SGCZ: variants seen among roughly 807,000 people sequenced by gnomAD.
The protein encoded by SGCZ is sarcoglycan zeta.
Under a neutral mutation model 41.3 loss-of-function variants are expected in SGCZ, and 40 were observed. The ratio of observed to expected loss-of-function variants is 0.97; its 90% CI spans 0.75 to 1.26. The LOEUF is 1.26. Ranked by LOEUF, SGCZ falls within the 50% of genes most tolerant of loss-of-function variation. The probability of loss-of-function intolerance (pLI) is 0.00; values close to 1 mark genes in which losing one functional copy is unlikely to be tolerated. For missense variants in SGCZ, 552 were observed against 369.8 expected, an observed-to-expected ratio of 1.49 and a Z score of -4.04; for synonymous variants, 206 against 137.5, an observed-to-expected ratio of 1.50 and a Z score of -3.49.
intron 1 of SGCZ, among the ~76,000 whole-genome samples, chr8:14,735,908 T>A (rs1442680344): frequency 6.6e-6 from 1 of 152,064 alleles, no homozygotes; most frequent in Non-Finnish European, 1.5e-5. Context: ...AGTAAAGCCA[T>A]TCCTGACTGA....
intron 1 of SGCZ, among the ~76,000 whole-genome samples, chr8:15,045,230 A>T (rs1379082111): frequency 6.6e-6 from 1 of 152,082 alleles, no homozygotes; most frequent in Non-Finnish European, 1.5e-5. Flanking sequence ...AGATGGACAA[A>T]CAAGAGACAT....
At chr8:14,231,215 GA>G (rs1367462430) in intron 4 of SGCZ, among the ~76,000 whole-genome samples, 3 of 143,242 alleles carry the variant, frequency 2.1e-5, no homozygotes, top group Non-Finnish European at 4.6e-5. Context: ...GAGAGAGGGG[GA>G]AAGAGAGAGA....
Position 14,090,420 on chromosome 8 carries a change from G to A in SGCZ, c.*23C>T, listed in dbSNP as rs759453422. On this transcript the variant is annotated 3_prime_UTR_variant, in exon 8 of 8. Transcript: ENST00000382080. ...ACGGACAGGAACAAAAGGCTATTCT[G>A]GTGTGAGGAGAAATCAGTCACTTCA... 17 of 1,605,190 alleles carry A rather than the reference G, an allele frequency of 1.1e-5. No individual in the cohort carries two copies. Among genetic ancestry groups the A allele is most frequent in the Non-Finnish European group, 1.1e-5 (13 of 1,175,362 alleles).
chr8:14,950,142 T>C (rs1402462263), intron 1 of SGCZ, among the ~76,000 whole-genome samples: 4 of 152,080 alleles, frequency 2.6e-5, no homozygotes, highest in Non-Finnish European at 5.9e-5. Context: ...TGTATTTTCT[T>C]TTGCAATATG....
chr8:14,611,916 T>A lies in SGCZ; in HGVS notation c.40-56990A>T, dbSNP rs116245346. ...TGCAGTACATATGCTATTTGCACTG[T>A]GTAAAATACAGGTAAATATGATATG... On this transcript the variant is annotated intron_variant, in intron 1 of 7. Transcript: ENST00000382080. Among the ~76,000 whole-genome samples the A allele has an allele frequency of 5.2e-3, 793 of 152,316 alleles. 6 individuals carry two copies. Among genetic ancestry groups the A allele is most frequent in the African/African-American group, 0.018 (745 of 41,574 alleles).
chr8:14,974,448 G>A (rs983126245), intron 1 of SGCZ, among the ~76,000 whole-genome samples: 1 of 152,128 alleles, frequency 6.6e-6, no homozygotes, highest in Non-Finnish European at 1.5e-5. Context: ...GATACACCTG[G>A]AAAGAGAAAT....
chr8:15,149,993 G>T lies in SGCZ; in HGVS notation c.39+87592C>A, dbSNP rs148954913. Among the ~76,000 whole-genome samples the T allele has an allele frequency of 3.8e-3, 586 of 152,236 alleles. 3 individuals carry two copies. Among genetic ancestry groups the T allele is most frequent in the African/African-American group, 0.014 (569 of 41,544 alleles). ...GTATTTGTCTATATTTAGTTAGATG[G>T]AAAAAAATCTGCAGTGTGTCTGCAA... On this transcript the variant is annotated intron_variant, in intron 1 of 7. Transcript: ENST00000382080.
At chr8:14,862,484 T>A (rs940552907) in intron 1 of SGCZ, among the ~76,000 whole-genome samples, 1 of 139,174 alleles carries the variant, frequency 7.2e-6, no homozygotes, top group South Asian at 2.3e-4. Context: ...TAACAAGAAA[T>A]GAGACCAAAT....
intron 2 of SGCZ, among the ~76,000 whole-genome samples, chr8:14,515,296 T>C (rs1229232835): frequency 6.6e-6 from 1 of 152,088 alleles, no homozygotes; most frequent in East Asian, 1.9e-4. Context: ...TATTTTTGCC[T>C]CAGAGGTTTT....
rs561748012 is a variant in SGCZ, at chr8:14,256,482, T to C, written c.337-18803A>G. Among the ~76,000 whole-genome samples, 66 of 151,908 alleles carry C rather than the reference T, an allele frequency of 4.3e-4. 2 individuals carry two copies. The highest frequency in any genetic ancestry group is 1.4e-3 in the African/African-American group (56 of 41,446). On this transcript the variant is annotated intron_variant, in intron 3 of 7. Coordinates refer to ENST00000382080, the MANE Select transcript of SGCZ (RefSeq NM_139167.4). Reference sequence around the variant, plus strand: ...AGCTCCTTCAGAATAACTTGCTTCATGCTTAATATTAAATCCCTCATATAC... The same window carrying C: ...AGCTCCTTCAGAATAACTTGCTTCACGCTTAATATTAAATCCCTCATATAC...
At chr8:14,425,985 C>T (rs756157489) in intron 2 of SGCZ, among the ~76,000 whole-genome samples, 64 of 151,842 alleles carry the variant, frequency 4.2e-4, no homozygotes, top group Admixed American at 7.9e-4. Context: ...CACTTATGTA[C>T]CTAAATATTA....
intron 1 of SGCZ, among the ~76,000 whole-genome samples, chr8:15,188,784 T>A (rs1031465752): frequency 6.6e-6 from 1 of 152,086 alleles, no homozygotes; most frequent in African/African-American, 2.4e-5. Flanking sequence ...AGACATCCAT[T>A]GTCATATTGT....
intron 1 of SGCZ, among the ~76,000 whole-genome samples, chr8:14,747,705 T>TTGTG (rs59524830): frequency 0.24 from 33,028 of 136,246 alleles, 4,406 homozygotes; most frequent in Non-Finnish European, 0.31. Context: ...GTGTGTGTAT[T>TTGTG]TGTGTGTGTG....
At chr8:14,301,466 T>C (rs936603323) in intron 3 of SGCZ, among the ~76,000 whole-genome samples, 1 of 152,110 alleles carries the variant, frequency 6.6e-6, no homozygotes, top group African/African-American at 2.4e-5. Context: ...ACCCTCGTCT[T>C]AGTTTGCTGT....
intron 1 of SGCZ, among the ~76,000 whole-genome samples, chr8:14,646,047 T>C (rs1026253384): frequency 1.3e-5 from 2 of 151,886 alleles, no homozygotes; most frequent in Non-Finnish European, 2.9e-5. Context: ...TCCTTTTTTA[T>C]TTTTATTTTT....
intron 2 of SGCZ, among the ~76,000 whole-genome samples, chr8:14,392,990 G>A (rs746668087): frequency 3.3e-5 from 5 of 151,986 alleles, no homozygotes; most frequent in Non-Finnish European, 7.4e-5. Context: ...ATTTTCAGGA[G>A]ATAGAACTCA....
At chr8:15,218,852 C>T (rs1232891749) in intron 1 of SGCZ, among the ~76,000 whole-genome samples, 2 of 152,092 alleles carry the variant, frequency 1.3e-5, no homozygotes, top group Admixed American at 1.3e-4. Flanking sequence ...CTCATTTTAC[C>T]ATTTGAGGGA....
chr8:14,622,279 C>T (rs1397280), intron 1 of SGCZ, among the ~76,000 whole-genome samples: 126,309 of 152,090 alleles, frequency 0.83, 52,816 homozygotes, highest in Non-Finnish European at 0.87. Context: ...ATGTGGCTGA[C>T]AAGACACCTA....
At chr8:15,009,831 TC>T (rs1240870125) in intron 1 of SGCZ, among the ~76,000 whole-genome samples, 49 of 152,312 alleles carry the variant, frequency 3.2e-4, no homozygotes, top group Admixed American at 1.9e-3. Flanking sequence ...TTTTTTAAAT[TC>T]TTAAAATAAT....
Sources: allele counts gnomAD v4.1 joint callset (sites outside exome capture counted in the v4.1 genomes callset), GRCh38; gene constraint gnomAD v4.1.1; transcripts MANE v1.5; gene names NCBI Gene and HGNC (gene_info 2026-07-23, HGNC 2026-07-21).